Variants in CFAP46 observed in about 807,000 individuals in gnomAD.
The protein encoded by CFAP46 is cilia and flagella associated protein 46.
A neutral mutation model predicts 325.7 loss-of-function variants in CFAP46; 245 were observed. That is an observed-to-expected ratio of 0.75 (90% CI 0.68 to 0.84). The LOEUF (loss-of-function observed/expected upper bound fraction) is 0.84, where lower values mean the gene tolerates loss of function less well. Ranked by LOEUF, CFAP46 falls within the 40% of genes least tolerant of loss-of-function variation. The probability of loss-of-function intolerance (pLI) is 0.00; values close to 1 mark genes in which losing one functional copy is unlikely to be tolerated. For synonymous variants in CFAP46, 1,523 were observed against 1,495.9 expected (o/e 1.02, Z -0.42); for missense variants, 3,346 against 3,543.0 (o/e 0.94, Z 1.41).
intron 9 of CFAP46, chr10:132,929,261 G>A: frequency 1.7e-6 from 1 of 576,128 alleles, no homozygotes; most frequent in South Asian, 2.3e-5. Flanking sequence ...CAGAAGTGAT[G>A]TGGCTGTGGC....
rs370075042 is a variant in CFAP46 at position 132,940,570 on chromosome 10, G to A, written c.371+426C>T. On this transcript the variant is annotated intron_variant, in intron 4 of 57. Coordinates refer to ENST00000368586, the MANE Select transcript of CFAP46 (RefSeq NM_001200049.3). ...GGGGTGCGCCCGGGGAGGCCCTGGA[G>A]AAAACAGACTCTTTTTTTTTTTTTA... 2.6e-5 allele frequency among the ~76,000 whole-genome samples: 4 copies of A among 151,882 alleles called. No individual in the cohort carries two copies. The East Asian group carries it at 5.8e-4, about 22-fold the overall frequency.
At chr10:132,821,667 GTGC>G (rs1422463492) in intron 50 of CFAP46, among the ~76,000 whole-genome samples, 157 of 141,502 alleles carry the variant, frequency 1.1e-3, no homozygotes, top group African/African-American at 3.7e-3. Flanking sequence ...TGTGCTGTGT[GTGC>G]TGTGTGTGCT....
At chr10:132,834,839 G>A (rs1848212914) in intron 47 of CFAP46, 64 bp from the exon 48 acceptor site, 1 of 1,545,320 alleles carries the variant, frequency 6.5e-7, no homozygotes, top group Non-Finnish European at 8.7e-7. Flanking sequence ...CCCCGCGAGG[G>A]CCAGGCCCCT....
At chr10:132,888,904 G>A (rs1057367156) in intron 25 of CFAP46, among the ~76,000 whole-genome samples, 4 of 150,818 alleles carry the variant, frequency 2.7e-5, no homozygotes, top group East Asian at 1.9e-4. Flanking sequence ...CACCCCTGCC[G>A]CCTGCACCTG....
intron 39 of CFAP46, among the ~76,000 whole-genome samples, chr10:132,853,091 G>A (rs1272661450): frequency 7.7e-6 from 1 of 129,516 alleles, no homozygotes; most frequent in African/African-American, 2.6e-5. Flanking sequence ...ATGTCAACAC[G>A]GAACACAGGT....
Position 132,808,752 on chromosome 10 carries a change from G to A in CFAP46, c.7817C>T (p.Pro2606Leu), listed in dbSNP as rs1388678709. ...WTCLPSAAGA[P>L]ALASALGSAP... ...AGAGCCAAGGGCAGAGGCAAGTGCTGGGGCCCCAGCAGCTGATGGGAGGCA... is the reference window on the plus strand; with the variant it reads ...AGAGCCAAGGGCAGAGGCAAGTGCTAGGGCCCCAGCAGCTGATGGGAGGCA... Residue 2606 changes from proline to leucine, a missense_variant, in exon 58 of 58, where the codon CCA becomes CTA. Coordinates refer to ENST00000368586, the MANE Select transcript of CFAP46 (RefSeq NM_001200049.3). This position sits in a 1 kb window ranked among gnomAD's most constrained non-coding sequence, Gnocchi z 6.8. 1 of 1,580,400 alleles carries A rather than the reference G, an allele frequency of 6.3e-7. No individual in the cohort carries two copies. Among genetic ancestry groups the A allele is most frequent in the Non-Finnish European group, 8.6e-7 (1 of 1,163,480 alleles).
intron 44 of CFAP46, among the ~76,000 whole-genome samples, chr10:132,844,025 G>A (rs1425954727): frequency 2.6e-5 from 3 of 116,882 alleles, no homozygotes; most frequent in Non-Finnish European, 5.6e-5. Context: ...TCTGGTCTCG[G>A]TGGGTGTTCC....
Position 132,846,089 on chromosome 10 carries a change from G to C in CFAP46, c.6406C>G (p.Arg2136Gly). The C allele has an allele frequency of 6.2e-7, 1 of 1,600,248 alleles. No homozygotes were observed. The highest frequency in any genetic ancestry group is 8.5e-7 in the Non-Finnish European group (1 of 1,177,824). ...QDRTTTSLGA[R>G]VEQRLAAVSK... ...ACGGCGGCCAGCCTCTGCTCCACAC[G>C]GGCGCCCAGGCTGGTGGTGGTCCTG... is the stretch of plus-strand genomic sequence containing the variant. Residue 2136 changes from arginine (R) to glycine (G), a missense_variant, in exon 44 of 58, where the codon CGT becomes GGT. By Grantham distance (125) the Arg-to-Gly change is moderately radical. Coordinates refer to ENST00000368586, the MANE Select transcript of CFAP46 (RefSeq NM_001200049.3).
At chr10:132,880,737 G>A in intron 28 of CFAP46, 124 bp downstream of exon 28, 1 of 1,182,410 alleles carries the variant, frequency 8.5e-7, no homozygotes, top group Non-Finnish European at 1.2e-6. Flanking sequence ...ACACGTCAGG[G>A]GCTCCTGGCC....
chr10:132,913,363 A>ACTAT, intron 17 of CFAP46, 105 bp from the exon 18 acceptor site: 1 of 357,600 alleles, frequency 2.8e-6, no homozygotes, highest in Non-Finnish European at 5.6e-6. Context: ...CAGGGCAAGA[A>ACTAT]GTGGGAGGGG....
intron 43 of CFAP46, 34 bp downstream of exon 43, chr10:132,846,898 G>C: frequency 6.3e-7 from 1 of 1,582,316 alleles, no homozygotes; most frequent in Non-Finnish European, 8.6e-7. Context: ...CTCCATGAAG[G>C]GCCTGGCTGG....
chr10:132,862,495 T>G, intron 35 of CFAP46, among the ~76,000 whole-genome samples: 1 of 150,576 alleles, frequency 6.6e-6, no homozygotes, highest in Non-Finnish European at 1.5e-5. Context: ...GTGCCGACAC[T>G]GAGTGGGAGG....
chr10:132,912,662 G>A lies in CFAP46; in HGVS notation c.2492C>T (p.Ala831Val), dbSNP rs1033261281. The A allele has an allele frequency of 8.9e-5, 137 of 1,540,056 alleles. No individual in the cohort carries two copies. Among genetic ancestry groups the A allele is most frequent in the Admixed American group, 5.2e-4 (26 of 50,362 alleles). Reference sequence around the variant, plus strand: ...GCATCATGGAGGTGGTACCTCCACCGCTGTTTTGATCTCGGAAGTGGCTCC... The same window carrying A: ...GCATCATGGAGGTGGTACCTCCACCACTGTTTTGATCTCGGAAGTGGCTCC... ...DAGATSEIKT[A>V]VEVCEFALNL... The change falls in exon 19 of 58, where the codon GCG becomes GTG. Residue 831 changes from alanine (A) to valine (V), a missense_variant. By Grantham distance (64) the Ala-to-Val change is moderately conservative. Transcript: ENST00000368586.
intron 50 of CFAP46, among the ~76,000 whole-genome samples, chr10:132,823,333 C>G (rs1284637035): frequency 3.6e-5 from 3 of 84,188 alleles, no homozygotes; most frequent in Non-Finnish European, 6.6e-5. Flanking sequence ...GTGCGGTGTG[C>G]TGATGTGTGC....
intron 50 of CFAP46, among the ~76,000 whole-genome samples, chr10:132,821,576 A>G (rs1300500849): frequency 1.2e-5 from 1 of 84,698 alleles, no homozygotes; most frequent in African/African-American, 5.2e-5. Flanking sequence ...GTGTGCGCTG[A>G]TGTGTGCTGT....
chr10:132,928,404 G>A (rs991543770), intron 9 of CFAP46, among the ~76,000 whole-genome samples: 2 of 152,234 alleles, frequency 1.3e-5, no homozygotes, highest in African/African-American at 4.8e-5. Context: ...TCCTCCGTGC[G>A]GCATGGGCTG....
chr10:132,879,378 C>G (rs545418124), intron 29 of CFAP46, 48 bp downstream of exon 29: 3 of 1,437,422 alleles, frequency 2.1e-6, no homozygotes, highest in South Asian at 1.5e-5. Flanking sequence ...GCCCGCGGCC[C>G]GTCCCGGGAG....
chr10:132,826,888 C>T (rs1279244311), intron 50 of CFAP46, among the ~76,000 whole-genome samples: 3 of 152,180 alleles, frequency 2.0e-5, no homozygotes, highest in African/African-American at 7.2e-5. Flanking sequence ...CCTGGCTTTG[C>T]AGTACAGTCA....
intron 32 of CFAP46, among the ~76,000 whole-genome samples, chr10:132,870,609 A>G (rs909533558): frequency 4.6e-5 from 7 of 152,204 alleles, no homozygotes; most frequent in Admixed American, 2.0e-4. Flanking sequence ...AACCAGTCAC[A>G]ATATTCCTTC....
Sources: gnomAD v4.1 joint callset for allele counts (sites outside exome capture counted in the v4.1 genomes callset) on GRCh38, gnomAD v4.1.1 for gene constraint, Gnocchi (gnomAD v3.1) non-coding constraint, MANE v1.5 for transcripts, NCBI Gene and HGNC (gene_info 2026-07-23, HGNC 2026-07-21) for gene names.